MYO15A: variants seen among roughly 807,000 people sequenced by gnomAD.
MYO15A encodes the protein myosin XVA, also known as unconventional myosin-XV.
A neutral mutation model predicts 394.6 loss-of-function variants in MYO15A; 308 were observed. The observed-to-expected ratio is 0.78, with a 90% CI of 0.71 to 0.86. The LOEUF (loss-of-function observed/expected upper bound fraction) is 0.86. Ranked by LOEUF, MYO15A falls within the 40% of genes least tolerant of loss-of-function variation. The probability of loss-of-function intolerance (pLI) is 0.00; values close to 1 mark genes in which losing one functional copy is unlikely to be tolerated. For missense variants in MYO15A, 4,606 were observed against 4,799.1 expected (o/e 0.96, Z 1.19); for synonymous variants, 1,957 against 2,003.8 (o/e 0.98, Z 0.62).
rs727504708 is a variant in MYO15A, at chr17:18,148,176, G to A, written c.6657G>A (p.Lys2219=). ...TCGAGTGGACAGCGACCTATGAGAA[G>A]GCCAGCATGGCGCTGGACGTGGGCT... ...TQLEWTATYE[K]ASMALDVGCF... Residue 2219 remains lysine, a synonymous_variant, in exon 31 of 66, where the codon AAG becomes AAA. Coordinates refer to ENST00000647165, the MANE Select transcript of MYO15A (RefSeq NM_016239.4). The surrounding 1 kb of genome is among the most constrained non-coding windows in gnomAD (Gnocchi z 4.8). The A allele has an allele frequency of 2.8e-5, 45 of 1,613,728 alleles. No homozygotes were observed. In the Middle Eastern group the frequency reaches 3.1e-3, roughly 112 times the overall value.
Position 18,132,614 on chromosome 17 carries a change from C to G in MYO15A, c.4320+48C>G. 1.3e-6 allele frequency: 2 copies of G among 1,513,632 alleles called. No homozygotes were observed. The highest frequency in any genetic ancestry group is 1.8e-6 in the Non-Finnish European group (2 of 1,099,632). 93.8% of individuals were successfully genotyped at this position (1,513,632 alleles called of 1,614,324 possible). ...AGGCCCCTGGCCCTGGTCCTCCCACCCCGACGCCCCTGGCTGGGCCTTGGG... is the reference window on the plus strand; with the variant it reads ...AGGCCCCTGGCCCTGGTCCTCCCACGCCGACGCCCCTGGCTGGGCCTTGGG... On this transcript the variant is annotated intron_variant, in intron 11 of 65. Transcript: ENST00000647165. The surrounding 1 kb of genome is among the most constrained non-coding windows in gnomAD (Gnocchi z 4.6).
Position 18,140,567 on chromosome 17 carries a change from C to T in MYO15A, c.5262C>T (p.Arg1754=), listed in dbSNP as rs2046359749. ...ATGCCCCACAGGCTGCCCCTCAGCGCCTGGGCAAGAGCAGCTCCGTCACTC... is the reference window on the plus strand; with the variant it reads ...ATGCCCCACAGGCTGCCCCTCAGCGTCTGGGCAAGAGCAGCTCCGTCACTC... ...SSHAPQAAPQ[R]LGKSSSVTRL... The change falls in exon 20 of 66, where the codon CGC becomes CGT. Residue 1754 remains arginine, a synonymous_variant. Transcript: ENST00000647165. 4 of 1,613,628 alleles carry T rather than the reference C, an allele frequency of 2.5e-6. No homozygotes were observed. In the South Asian group the frequency reaches 3.3e-5, roughly 13 times the overall value.
At position 18,131,255 on chromosome 17, in the gene MYO15A, C is replaced by T. The variant is rs2046157234; in HGVS notation, c.4055C>T (p.Pro1352Leu). ...GGAGTCCAGATCCTGGAGGCAACACCCCTCTTGGAGTCCTTCGGTAATGCC... is the reference window on the plus strand; with the variant it reads ...GGAGTCCAGATCCTGGAGGCAACACTCCTCTTGGAGTCCTTCGGTAATGCC... The part of the protein sequence containing the change: ...MQQIKILEAT[P>L]LLESFGNAKT... Residue 1352 changes from proline (P) to leucine (L), a missense_variant, in exon 9 of 66, where the codon CCC becomes CTC. This residue lies in a region of MYO15A where 2,776 missense variants were observed against 3,109.3 expected (regional missense o/e 0.89). Transcript: ENST00000647165. The T allele has an allele frequency of 1.2e-6, 2 of 1,613,918 alleles. No homozygotes were observed. The highest frequency in any genetic ancestry group is 1.7e-6 in the Non-Finnish European group (2 of 1,179,962).
At chr17:18,160,337 T>C (rs2046757131) in intron 56 of MYO15A, among the ~76,000 whole-genome samples, 1 of 152,168 alleles carries the variant, frequency 6.6e-6, no homozygotes, top group South Asian at 2.1e-4. Flanking sequence ...GAAAAGTCAG[T>C]GAGTATGTGG....
In MYO15A at chr17:18,167,638, C is replaced by G. The variant is rs765670344; in HGVS notation, c.9997C>G (p.Arg3333Gly). 10 of 1,604,072 alleles carry G rather than the reference C, an allele frequency of 6.2e-6. No individual in the cohort carries two copies. The South Asian group carries it at 9.9e-5, about 16-fold the overall frequency. Residue 3333 changes from arginine (R) to glycine (G), a missense_variant, in exon 62 of 66, where the codon CGG becomes GGG. By Grantham distance (125) the Arg-to-Gly change is moderately radical. Transcript: ENST00000647165. ...KGLFSSVPAS[R>G]PSEQLLQQVS... ...ACTCTTCAGCAGTGTGCCGGCCAGC[C>G]GGCCCAGCGAGCAGCTGCTGCAGCA...
At position 18,148,309 on chromosome 17, in the gene MYO15A, G is replaced by C; in HGVS notation, c.6691+99G>C. 6.5e-7 allele frequency: 1 copy of C among 1,537,208 alleles called. No homozygotes were observed. ...AGCCACTGGATGTTCTGGAGCTGGG[G>C]AGGGGCCTTCTCAGATGTGGCTCTG... On this transcript the variant is annotated intron_variant, in intron 31 of 65. Transcript: ENST00000647165. This position sits in a 1 kb window ranked among gnomAD's most constrained non-coding sequence, Gnocchi z 4.8.
intron 50 of MYO15A, 140 bp downstream of exon 50, chr17:18,157,370 G>C (rs980898171): frequency 4.1e-6 from 5 of 1,210,806 alleles, no homozygotes; most frequent in Non-Finnish European, 4.8e-6. Flanking sequence ...GCCGTGGCCT[G>C]TCAGTATCTG....
chr17:18,149,978 G>C, intron 35 of MYO15A: 1 of 306,574 alleles, frequency 3.3e-6, no homozygotes, highest in Non-Finnish European at 6.2e-6. Context: ...AAAAGAAAGG[G>C]AAGAAGTGCA....
At chr17:18,146,164 C>T (rs1309235496) in intron 30 of MYO15A, 57 bp downstream of exon 30, 5 of 1,553,534 alleles carry the variant, frequency 3.2e-6, no homozygotes, top group African/African-American at 1.4e-5. Context: ...AGCAGTGGAG[C>T]CCAAGGCAGG....
chr17:18,116,567 C>T (rs2045788342), intron 1 of MYO15A, among the ~76,000 whole-genome samples: 1 of 152,206 alleles, frequency 6.6e-6, no homozygotes, highest in Non-Finnish European at 1.5e-5. Flanking sequence ...TGACTGGGGC[C>T]TCACTTTGGA....
At chr17:18,168,468 G>A (rs1490071143) in intron 62 of MYO15A, among the ~76,000 whole-genome samples, 1 of 151,926 alleles carries the variant, frequency 6.6e-6, no homozygotes, top group African/African-American at 2.4e-5. Context: ...GGAGGCTGAG[G>A]CAGGAGAATG....
Position 18,140,500 on chromosome 17 carries a change from C to T in MYO15A, c.5212-17C>T. On this transcript the variant is annotated splice_polypyrimidine_tract_variant and intron_variant, in intron 19 of 65. Transcript: ENST00000647165. ...GGACCCTGCCTGTCTGTTTTCCCTG[C>T]CCCGACCCCTGCCCAGGTGGTGGCA... 6.2e-7 allele frequency: 1 copy of T among 1,613,390 alleles called. No homozygotes were observed.
Position 18,154,186 on chromosome 17 carries a change from G to T in MYO15A, c.8144G>T (p.Arg2715Leu). 1 of 1,613,978 alleles carries T rather than the reference G, an allele frequency of 6.2e-7. No individual in the cohort carries two copies. The highest frequency in any genetic ancestry group is 2.2e-5 in the East Asian group (1 of 44,886). The change falls in exon 44 of 66, where the codon CGG (arginine) becomes CTG (leucine). Residue 2715 changes from arginine to leucine, a missense_variant. Coordinates refer to ENST00000647165, the MANE Select transcript of MYO15A (RefSeq NM_016239.4). ...CCTGTGCAGCTTGACCTCCTGTTCC[G>T]GCAGGTGAGGTCCTGTCTCCCCTTT... is the stretch of plus-strand genomic sequence containing the variant. ...SHPVQLDLLF[R>L]QILHDTLSEA... is the part of the protein sequence containing the mutation.
Position 18,120,382 on chromosome 17 carries a change from G to A in MYO15A, c.1582G>A (p.Gly528Ser), listed in dbSNP as rs199695398. 298 of 1,611,354 alleles carry A rather than the reference G, an allele frequency of 1.8e-4. 2 individuals are homozygous for A. In the African/African-American group the frequency reaches 3.2e-3, roughly 17 times the overall value. Residue 528 changes from glycine (G) to serine (S), a missense_variant, in exon 2 of 66, where the codon GGC (glycine) becomes AGC (serine). Physicochemically the swap from Gly to Ser is moderately conservative, Grantham distance 56 (BLOSUM62 0). Transcript: ENST00000647165. ...GCCCCCGGTTTCCGCTGTGCCCTAC[G>A]GCCACCCTTTCTGGGGCTTCCTCAC... ...ELPPVSAVPYGHPFWGFLTPR... is the reference protein window; with the variant it reads ...ELPPVSAVPYSHPFWGFLTPR...
intron 65 of MYO15A, among the ~76,000 whole-genome samples, chr17:18,175,446 A>G (rs2047001928): frequency 6.6e-6 from 1 of 151,778 alleles, no homozygotes; most frequent in African/African-American, 2.4e-5. Context: ...GCATGCCACA[A>G]TGCCTGGCTA....
chr17:18,151,042 G>T, intron 38 of MYO15A, 68 bp from the exon 39 acceptor site: 1 of 1,610,048 alleles, frequency 6.2e-7, no homozygotes. Flanking sequence ...CTCTGACAGA[G>T]ATCTGGAGTC....
At position 18,130,801 on chromosome 17, in the gene MYO15A, G is replaced by A. The variant is rs1345226172; in HGVS notation, c.4033-4G>A. The A allele has an allele frequency of 1.9e-6, 3 of 1,583,750 alleles. No homozygotes were observed. Among genetic ancestry groups the A allele is most frequent in the South Asian group, 2.2e-5 (2 of 90,458 alleles). On this transcript the variant is annotated splice_region_variant and splice_polypyrimidine_tract_variant and intron_variant, in intron 7 of 65. Coordinates refer to ENST00000647165, the MANE Select transcript of MYO15A (RefSeq NM_016239.4). The stretch of plus-strand genomic sequence containing the variant: ...TTTGTCCTCCCTCCTGGACGCTCTT[G>A]AAGATAAAGGTACTCAGTGTGTGTG...
intron 64 of MYO15A, 26 bp from the exon 65 acceptor site, chr17:18,173,755 T>C: frequency 6.2e-7 from 1 of 1,613,696 alleles, no homozygotes; most frequent in Non-Finnish European, 8.5e-7. Flanking sequence ...CACAGGCCTG[T>C]CCGGCCCCTC....
intron 4 of MYO15A, chr17:18,125,576 T>C (rs111675434): frequency 0.015 from 4,991 of 327,384 alleles, 153 homozygotes; most frequent in East Asian, 0.1. Flanking sequence ...AGGTGGTGCA[T>C]GCCTGTAGTC....
Sources: gnomAD v4.1 joint callset for allele counts (sites outside exome capture counted in the v4.1 genomes callset) on GRCh38, gnomAD v4.1.1 for gene constraint, gnomAD v4.1.1 regional missense constraint, Gnocchi (gnomAD v3.1) non-coding constraint, MANE v1.5 for transcripts, NCBI Gene and HGNC (gene_info 2026-07-23, HGNC 2026-07-21) for gene names.